The following TNIP1 variants were observed in gnomAD, a reference collection of about 807,000 sequenced individuals.
The protein encoded by TNIP1 is TNFAIP3-interacting protein 1.
A neutral mutation model predicts 86.6 loss-of-function variants in TNIP1; 22 were observed. The ratio of observed to expected loss-of-function variants is 0.25; its 90% confidence interval spans 0.18 to 0.36. The LOEUF (loss-of-function observed/expected upper bound fraction) is 0.36. TNIP1 is among the 10% of genes least tolerant of loss of function. TNIP1 has a pLI of 1.00. For synonymous variants in TNIP1, 294 were observed against 313.0 expected, an observed-to-expected ratio of 0.94 and a Z score of 0.64; for missense variants, 709 against 820.6, an observed-to-expected ratio of 0.86 and a Z score of 1.66.
At position 151,049,891 on chromosome 5, in the gene TNIP1, G is replaced by A. The variant is rs2233295; in HGVS notation, c.779C>T (p.Ala260Val). 8,011 of 1,614,088 alleles carry A rather than the reference G, an allele frequency of 5.0e-3. 201 individuals are homozygous for A. In the African/African-American group the frequency reaches 0.069, roughly 14 times the overall value. ...LLMSNGNKEGASGRPGSPKME... is the reference protein window; with the variant it reads ...LLMSNGNKEGVSGRPGSPKME... ...CTTCGGTGAGCCTGGCCGCCCAGAC[G>A]CACCCTCTTTGTTGCCATTGCTCAT... is the stretch of plus-strand genomic sequence containing the variant. Residue 260 changes from alanine to valine, a missense_variant, in exon 8 of 18, where the codon GCG becomes GTG. Transcript: ENST00000521591.
intron 1 of TNIP1, among the ~76,000 whole-genome samples, chr5:151,073,554 A>G (rs1473968338): frequency 7.3e-6 from 1 of 136,192 alleles, no homozygotes; most frequent in African/African-American, 3.3e-5. Flanking sequence ...TATATGTGTA[A>G]CAGGATGCTA....
intron 8 of TNIP1, among the ~76,000 whole-genome samples, chr5:151,047,611 G>T (rs7734456): frequency 6.6e-6 from 1 of 151,936 alleles, no homozygotes. Context: ...GTTGCCGTTA[G>T]GGGAAGTAAA....
At chr5:151,040,273 G>A (rs964056875) in intron 11 of TNIP1, among the ~76,000 whole-genome samples, 5 of 152,238 alleles carry the variant, frequency 3.3e-5, no homozygotes, top group Non-Finnish European at 7.3e-5. Context: ...GTGGGAGGTA[G>A]TCCAGGGAAA....
At chr5:151,069,687 T>C (rs1762618107) in intron 1 of TNIP1, among the ~76,000 whole-genome samples, 1 of 152,072 alleles carries the variant, frequency 6.6e-6, no homozygotes, top group African/African-American at 2.4e-5. Context: ...CCAGGGATGC[T>C]GGCAGGTGGG....
chr5:151,032,440 C>A, intron 16 of TNIP1, 57 bp from the exon 17 acceptor site: 1 of 1,513,346 alleles, frequency 6.6e-7, no homozygotes, highest in South Asian at 1.1e-5. Flanking sequence ...TACAATAGCA[C>A]CTACTGTGCC....
At position 151,065,074 on chromosome 5, in the gene TNIP1, G is replaced by T; in HGVS notation, c.22C>A (p.Arg8=). The T allele has an allele frequency of 1.2e-6, 2 of 1,613,966 alleles. No individual in the cohort carries two copies. The highest frequency in any genetic ancestry group is 1.7e-6 in the Non-Finnish European group (2 of 1,180,018). Reference sequence around the variant, plus strand: ...ACGCTGCCCCCAGGGTCGTAGATCCGGTACGGTCCTCTCCCTTCCATGAGG... The same window carrying T: ...ACGCTGCCCCCAGGGTCGTAGATCCTGTACGGTCCTCTCCCTTCCATGAGG... MEGRGPY[R]IYDPGGSVPS... is the part of the protein sequence containing the mutation. The change falls in exon 2 of 18, where the codon CGG becomes AGG. Residue 8 remains arginine, a synonymous_variant. Transcript: ENST00000521591.
chr5:151,060,129 G>A (rs1308132178), intron 5 of TNIP1, among the ~76,000 whole-genome samples, 189 bp downstream of exon 5: 1 of 152,126 alleles, frequency 6.6e-6, no homozygotes, highest in African/African-American at 2.4e-5. Flanking sequence ...TCCAAGTCGG[G>A]GAAGTCACTA....
At chr5:151,079,759 T>C (rs1421872343) in intron 1 of TNIP1, among the ~76,000 whole-genome samples, 1 of 152,190 alleles carries the variant, frequency 6.6e-6, no homozygotes, top group Non-Finnish European at 1.5e-5. Flanking sequence ...GGATGCTGAG[T>C]TTGTACTAAT....
intron 9 of TNIP1, among the ~76,000 whole-genome samples, chr5:151,043,567 G>A (rs569116865): frequency 6.6e-6 from 1 of 152,274 alleles, no homozygotes; most frequent in Non-Finnish European, 1.5e-5. Flanking sequence ...TTGAGTTCAG[G>A]AGTTTGAGAC....
rs537740969 is a variant in TNIP1, at chr5:151,039,135, G to T, written c.1225C>A (p.Arg409Ser). 5 of 1,613,868 alleles carry T rather than the reference G, an allele frequency of 3.1e-6. No homozygotes were observed. The highest frequency in any genetic ancestry group is 1.3e-5 in the African/African-American group (1 of 74,896). The change falls in exon 12 of 18, where the codon CGT (arginine) becomes AGT (serine). Residue 409 changes from arginine to serine, a missense_variant. By Grantham distance (110) the Arg-to-Ser change is moderately radical. Transcript: ENST00000521591. ...TGGATCTCCTTTTCCTGGTACTCACGCTGTCGGGTGAGTGGGCTCAGCTGA... is the reference window on the plus strand; with the variant it reads ...TGGATCTCCTTTTCCTGGTACTCACTCTGTCGGGTGAGTGGGCTCAGCTGA... Reference protein sequence around the residue: ...QDQLSPLTRQREYQEKEIQRL... With the variant: ...QDQLSPLTRQSEYQEKEIQRL...
Position 151,056,778 on chromosome 5 carries a change from G to A in TNIP1, c.615C>T (p.Thr205=), listed in dbSNP as rs764791859. The A allele has an allele frequency of 1.4e-5, 21 of 1,526,074 alleles. No individual in the cohort carries two copies. Among genetic ancestry groups the A allele is most frequent in the Non-Finnish European group, 1.6e-5 (18 of 1,130,138 alleles). 94.5% of individuals were successfully genotyped at this position (1,526,074 alleles called of 1,614,324 possible). Residue 205 remains threonine, a synonymous_variant, in exon 6 of 18, where the codon ACC becomes ACT. Coordinates refer to ENST00000521591, the MANE Select transcript of TNIP1 (RefSeq NM_006058.5). ...ASKVHKNEQR[T]SILQTLCEQL... ...CCACGCGCCTCACCTGCAGAATGGA[G>A]GTGCGCTGCTCATTCTTGTGCACCT...
intron 4 of TNIP1, 66 bp downstream of exon 4, chr5:151,062,061 G>A (rs1011221211): frequency 2.3e-4 from 328 of 1,404,716 alleles, no homozygotes; most frequent in Middle Eastern, 1.8e-4. Flanking sequence ...TCATGTTCTT[G>A]TATCTGTCAG....
chr5:151,065,934 C>A (rs540703833), intron 1 of TNIP1, among the ~76,000 whole-genome samples: 65 of 152,236 alleles, frequency 4.3e-4, no homozygotes, highest in Admixed American at 3.1e-3. Context: ...CTTTATGTCA[C>A]TGAAACCAGT....
At position 151,045,858 on chromosome 5, in the gene TNIP1, T is replaced by C. The variant is rs111501914; in HGVS notation, c.936+3A>G. 6.2e-7 allele frequency: 1 copy of C among 1,613,866 alleles called. No individual in the cohort carries two copies. The highest frequency in any genetic ancestry group is 2.2e-5 in the East Asian group (1 of 44,880). On this transcript the variant is annotated splice_donor_region_variant and intron_variant, in intron 9 of 17. Transcript: ENST00000521591. Reference sequence around the variant, plus strand: ...TCCCACTACTGCCACCTCGGCCACCTACCTCACTGCGCTGCTGCTCCAGCA... The same window carrying C: ...TCCCACTACTGCCACCTCGGCCACCCACCTCACTGCGCTGCTGCTCCAGCA...
chr5:151,063,484 G>A, intron 3 of TNIP1, 129 bp downstream of exon 3: 2 of 1,372,322 alleles, frequency 1.5e-6, no homozygotes, highest in Non-Finnish European at 2.0e-6. Context: ...AACATGAATG[G>A]AAGGGTAGCC....
chr5:151,063,931 G>C (rs1228254568), intron 2 of TNIP1, among the ~76,000 whole-genome samples, 184 bp from the exon 3 acceptor site: 2 of 152,224 alleles, frequency 1.3e-5, no homozygotes, highest in Non-Finnish European at 2.9e-5. Context: ...ATAAGAAACA[G>C]GCTAGAGCAA....
At chr5:151,081,796 C>T (rs929108738), upstream of TNIP1, among the ~76,000 whole-genome samples, 3 of 152,180 alleles carry the variant, frequency 2.0e-5, no homozygotes, top group African/African-American at 7.2e-5. Flanking sequence ...ACCCTACCTA[C>T]TTATATGTGG....
chr5:151,039,130 C>T lies in TNIP1; in HGVS notation c.1230G>A (p.Glu410=), dbSNP rs927947096. 3.1e-6 allele frequency: 5 copies of T among 1,613,964 alleles called. No individual in the cohort carries two copies. Among genetic ancestry groups the T allele is most frequent in the Admixed American group, 1.7e-5 (1 of 60,002 alleles). ...DQLSPLTRQR[E]YQEKEIQRLN... ...GCCGCTGGATCTCCTTTTCCTGGTA[C>T]TCACGCTGTCGGGTGAGTGGGCTCA... The change falls in exon 12 of 18, where the codon GAG becomes GAA. Residue 410 remains glutamate, a synonymous_variant. Coordinates refer to ENST00000521591, the MANE Select transcript of TNIP1 (RefSeq NM_006058.5).
chr5:151,084,646 T>C (rs1365288006), upstream of TNIP1, among the ~76,000 whole-genome samples: 1 of 152,060 alleles, frequency 6.6e-6, no homozygotes, highest in African/African-American at 2.4e-5. Context: ...AAATGGAGCA[T>C]CTAAATCAAA....
Sources: allele counts gnomAD v4.1 joint callset (sites outside exome capture counted in the v4.1 genomes callset), GRCh38; gene constraint gnomAD v4.1.1; transcripts MANE v1.5; gene names NCBI Gene and HGNC (gene_info 2026-07-23, HGNC 2026-07-21).